Variants in PTGER3 observed in about 807,000 individuals in gnomAD.
The protein encoded by PTGER3 is prostaglandin E2 receptor EP3 subtype.
A neutral mutation model predicts 34.7 loss-of-function variants in PTGER3; 22 were observed. That is an observed-to-expected ratio of 0.63 (90% CI 0.45 to 0.91). PTGER3 has a LOEUF of 0.91. Among genes scored for constraint, PTGER3 ranks in the 40% least tolerant of loss-of-function variants. The pLI is 0.00. For synonymous variants in PTGER3, 241 were observed against 230.1 expected (o/e 1.05, Z -0.43); for missense variants, 468 against 519.4 (o/e 0.90, Z 0.96).
rs34087524 is a variant in PTGER3, at chr1:70,862,577, G to A, written c.*24-9718C>T. On this transcript the variant is annotated intron_variant, in intron 4 of 4. Transcript: ENST00000370931. ...GCTCAAGGAATGAAATATCCAAGAT[G>A]TGTTTTGAAGGAAGGATAAGAGCTG... Among the ~76,000 whole-genome samples, 2,539 of 152,248 alleles carry A rather than the reference G, an allele frequency of 0.017. 244 individuals are homozygous for A. The East Asian group carries it at 0.2, about 12-fold the overall frequency.
chr1:70,933,425 G>A (rs1429288494), intron 4 of PTGER3, among the ~76,000 whole-genome samples: 1 of 152,000 alleles, frequency 6.6e-6, no homozygotes, highest in Non-Finnish European at 1.5e-5. Context: ...TTCCCTCAAA[G>A]TCACTGTGCT....
intron 4 of PTGER3, among the ~76,000 whole-genome samples, chr1:70,940,009 G>C (rs1433565372): frequency 2.0e-5 from 3 of 152,064 alleles, no homozygotes; most frequent in Non-Finnish European, 4.4e-5. Flanking sequence ...AAACTTTTAA[G>C]CTCTGCTTCT....
At chr1:70,870,878 T>C (rs1646148608) in intron 4 of PTGER3, among the ~76,000 whole-genome samples, 1 of 152,200 alleles carries the variant, frequency 6.6e-6, no homozygotes, top group Admixed American at 6.5e-5. Flanking sequence ...TTACAACCAT[T>C]TAATGGGTTT....
intron 4 of PTGER3, among the ~76,000 whole-genome samples, chr1:70,894,801 T>C (rs925970940): frequency 2.0e-5 from 3 of 152,212 alleles, no homozygotes; most frequent in Non-Finnish European, 4.4e-5. Flanking sequence ...TTCCATTGTA[T>C]AGGAGATAAA....
chr1:70,927,420 A>G (rs957359937), intron 4 of PTGER3, among the ~76,000 whole-genome samples: 3 of 152,166 alleles, frequency 2.0e-5, no homozygotes, highest in African/African-American at 7.2e-5. Context: ...TGAACAACCA[A>G]TGCCATTATC....
At chr1:70,890,820 A>T (rs1166494774) in intron 4 of PTGER3, among the ~76,000 whole-genome samples, 5 of 152,334 alleles carry the variant, frequency 3.3e-5, no homozygotes, top group Non-Finnish European at 5.9e-5. Flanking sequence ...TGGCATAAAA[A>T]GTCCTTCAAG....
exon 5 of PTGER3, chr1:70,852,803 G>A: frequency 6.2e-7 from 1 of 1,610,582 alleles, no homozygotes; most frequent in East Asian, 2.2e-5. Flanking sequence ...GAGTCATGGA[G>A]CTTCCAGTGA....
intron 1 of PTGER3, among the ~76,000 whole-genome samples, chr1:71,020,889 A>G (rs1658355705): frequency 6.6e-6 from 1 of 152,156 alleles, no homozygotes; most frequent in Non-Finnish European, 1.5e-5. Context: ...TCTCTAAAAC[A>G]TGATTCACAC....
intron 4 of PTGER3, among the ~76,000 whole-genome samples, chr1:70,880,305 GA>G (rs1646362174): frequency 6.6e-6 from 1 of 151,862 alleles, no homozygotes. Flanking sequence ...TTGCTTGTCT[GA>G]AAATGATATT....
chr1:70,905,140 C>T (rs894325746), intron 4 of PTGER3, among the ~76,000 whole-genome samples: 1 of 152,140 alleles, frequency 6.6e-6, no homozygotes. Context: ...TGGGAGTGCA[C>T]AGAGGTCAAG....
chr1:71,028,527 C>A (rs1054002011), intron 1 of PTGER3, among the ~76,000 whole-genome samples: 3 of 152,302 alleles, frequency 2.0e-5, no homozygotes, highest in Admixed American at 2.0e-4. Flanking sequence ...TATAGTGACA[C>A]TCTGGAGCAA....
intron 4 of PTGER3, chr1:70,865,870 C>A (rs373438272): frequency 7.9e-7 from 1 of 1,267,748 alleles, no homozygotes; most frequent in South Asian, 1.2e-5. Context: ...ACTAGAGAGG[C>A]AGGAAGACAC....
chr1:70,989,451 A>AT (rs1655228792), intron 2 of PTGER3, among the ~76,000 whole-genome samples: 1 of 151,946 alleles, frequency 6.6e-6, no homozygotes, highest in South Asian at 2.1e-4. Context: ...GCATTAACTT[A>AT]TTTTCTCTAC....
chr1:70,985,315 T>C (rs1654811181), intron 2 of PTGER3, among the ~76,000 whole-genome samples: 1 of 152,076 alleles, frequency 6.6e-6, no homozygotes, highest in African/African-American at 2.4e-5. Flanking sequence ...CTGACTCTCC[T>C]CCAGCCTCCC....
chr1:70,959,753 C>T (rs1572764454), intron 2 of PTGER3, among the ~76,000 whole-genome samples: 1 of 152,084 alleles, frequency 6.6e-6, no homozygotes, highest in African/African-American at 2.4e-5. Flanking sequence ...TTTTTAAACA[C>T]TTTAAGTCCC....
At chr1:71,043,440 G>A (rs922666463) in intron 1 of PTGER3, among the ~76,000 whole-genome samples, 3 of 152,290 alleles carry the variant, frequency 2.0e-5, no homozygotes, top group Non-Finnish European at 4.4e-5. Flanking sequence ...ACTTGTAGCT[G>A]TTGGGACATT....
intron 2 of PTGER3, among the ~76,000 whole-genome samples, chr1:70,993,522 T>C: frequency 6.6e-6 from 1 of 152,176 alleles, no homozygotes; most frequent in East Asian, 1.9e-4. Flanking sequence ...GCTCTCCTTT[T>C]GCAGCAGCCC....
intron 2 of PTGER3, among the ~76,000 whole-genome samples, chr1:70,984,955 A>T (rs1654772193): frequency 1.3e-5 from 2 of 152,136 alleles, no homozygotes; most frequent in South Asian, 4.1e-4. Flanking sequence ...TGGTGATAAT[A>T]TTGTCTTCCA....
chr1:70,945,123 C>A (rs970232580), intron 4 of PTGER3, among the ~76,000 whole-genome samples: 5 of 152,092 alleles, frequency 3.3e-5, no homozygotes, highest in African/African-American at 9.7e-5. Flanking sequence ...ACTTCAAAAT[C>A]TTTGCTTAAT....
Sources: allele counts gnomAD v4.1 joint callset (sites outside exome capture counted in the v4.1 genomes callset), GRCh38; gene constraint gnomAD v4.1.1; transcripts MANE v1.5; gene names NCBI Gene and HGNC (gene_info 2026-07-23, HGNC 2026-07-21).